ASB2: variants seen among roughly 807,000 people sequenced by gnomAD.
ASB2 encodes the protein ankyrin repeat and SOCS box containing 2, also known as ankyrin repeat and SOCS box protein 2.
A neutral mutation model predicts 62.4 loss-of-function variants in ASB2; 58 were observed. The observed-to-expected ratio is 0.93, with a 90% CI of 0.75 to 1.16. ASB2 has a LOEUF of 1.16. Ranked by LOEUF, ASB2 falls within the 50% of genes most tolerant of loss-of-function variation. The pLI, the probability that ASB2 is intolerant of heterozygous loss-of-function variation, is 0.00. For missense variants in ASB2, 928 were observed against 887.9 expected, an observed-to-expected ratio of 1.05 and a Z score of -0.57; for synonymous variants, 386 against 385.3, an observed-to-expected ratio of 1.00 and a Z score of -0.02.
chr14:93,936,518 C>G (rs970024552), intron 9 of ASB2, among the ~76,000 whole-genome samples: 1 of 152,208 alleles, frequency 6.6e-6, no homozygotes, highest in Non-Finnish European at 1.5e-5. Flanking sequence ...GTTTATCATG[C>G]GTCTAGAGTT....
At chr14:93,942,632 C>G (rs1888570137) in intron 7 of ASB2, among the ~76,000 whole-genome samples, 1 of 152,192 alleles carries the variant, frequency 6.6e-6, no homozygotes, top group Non-Finnish European at 1.5e-5. Context: ...TGAATCTAGC[C>G]CAACAGCAGG....
At chr14:93,948,239 C>T (rs531170083) in intron 6 of ASB2, 1 of 154,470 alleles carries the variant, frequency 6.5e-6, no homozygotes, top group East Asian at 1.9e-4. Flanking sequence ...CCACTTGCCT[C>T]AGACCACCCA....
At chr14:93,966,012 G>A (rs994142303) in intron 1 of ASB2, among the ~76,000 whole-genome samples, 2 of 152,226 alleles carry the variant, frequency 1.3e-5, no homozygotes, top group Non-Finnish European at 2.9e-5. Context: ...CCCCTCTTCT[G>A]GGAAGCCGAC....
intron 7 of ASB2, chr14:93,942,326 C>G (rs1405087524): frequency 4.4e-6 from 2 of 454,278 alleles, no homozygotes; most frequent in Non-Finnish European, 8.9e-6. Flanking sequence ...CTTGTCCCCT[C>G]CCCAATGCAG....
chr14:93,936,374 G>A (rs1256859019), intron 9 of ASB2, among the ~76,000 whole-genome samples: 2 of 152,218 alleles, frequency 1.3e-5, no homozygotes, highest in Non-Finnish European at 2.9e-5. Flanking sequence ...TAGTTGTGGG[G>A]GACCACCCTT....
At chr14:93,957,311 G>A in intron 2 of ASB2, 2 of 1,072,564 alleles carry the variant, frequency 1.9e-6, no homozygotes, top group Non-Finnish European at 2.3e-6. Flanking sequence ...GCAAAGCAGA[G>A]GATAGGGGAG....
intron 6 of ASB2, 130 bp downstream of exon 6, chr14:93,950,869 G>T: frequency 9.4e-7 from 1 of 1,068,726 alleles, no homozygotes; most frequent in Non-Finnish European, 1.4e-6. Context: ...AGCACTCTAG[G>T]AGGAAACTCT....
In ASB2 at chr14:93,953,459, ACGGCT is replaced by A; in HGVS notation, c.522_526del (p.Ala175LeufsTer74). Reference sequence around the variant, plus strand: ...GTGGCCCCTGCACGTTGCCAAGTAAACGGCTGTTTCCTCCTGCAGGGTGCGCTGGT... The same window carrying A: ...GTGGCCCCTGCACGTTGCCAAGTAAAGTTTCCTCCTGCAGGGTGCGCTGGT... On this transcript the variant is annotated frameshift_variant, in exon 5 of 10. Coordinates refer to ENST00000555019, the MANE Select transcript of ASB2 (RefSeq NM_001202429.2). LOFTEE classifies it high-confidence loss of function. 6.2e-7 allele frequency: 1 copy of A among 1,608,306 alleles called. No homozygotes were observed. Among genetic ancestry groups the A allele is most frequent in the Non-Finnish European group, 8.5e-7 (1 of 1,175,430 alleles).
At chr14:93,960,089 A>G in intron 2 of ASB2, among the ~76,000 whole-genome samples, 1 of 152,164 alleles carries the variant, frequency 6.6e-6, no homozygotes, top group East Asian at 1.9e-4. Flanking sequence ...TGCACCAAGC[A>G]TCTCATTTAA....
intron 2 of ASB2, among the ~76,000 whole-genome samples, chr14:93,962,668 G>A (rs1270551145): frequency 6.6e-6 from 1 of 152,150 alleles, no homozygotes; most frequent in African/African-American, 2.4e-5. Flanking sequence ...TCTGGATGCC[G>A]AGGGCCCACT....
chr14:93,958,556 G>A (rs1024610601), intron 2 of ASB2, among the ~76,000 whole-genome samples: 8 of 152,240 alleles, frequency 5.3e-5, no homozygotes, highest in African/African-American at 1.9e-4. Context: ...ATGGAGAAGT[G>A]GGACCAGGAC....
At chr14:93,939,710 T>A in intron 7 of ASB2, 38 bp from the exon 8 acceptor site, 1 of 1,326,680 alleles carries the variant, frequency 7.5e-7, no homozygotes, top group Non-Finnish European at 9.8e-7. Flanking sequence ...GAGGGGAGGG[T>A]CGGGGTGTGG....
At chr14:93,973,621 C>T (rs956169301) in intron 1 of ASB2, among the ~76,000 whole-genome samples, 3 of 152,206 alleles carry the variant, frequency 2.0e-5, no homozygotes, top group Non-Finnish European at 4.4e-5. Flanking sequence ...ATTGAGTCTC[C>T]AGGCCCATGG....
At chr14:93,938,719 T>A (rs1888374281) in intron 8 of ASB2, among the ~76,000 whole-genome samples, 1 of 152,122 alleles carries the variant, frequency 6.6e-6, no homozygotes. Flanking sequence ...TTTGGCAGAG[T>A]TCTCCGCTCC....
chr14:93,956,716 G>A lies in ASB2; in HGVS notation c.311+50C>T, dbSNP rs187114188. ...GCTTCCCACCCTCCCTGCCATCCCA[G>A]TTAGCGGAGTGAACTTGGATGGTCC... is the stretch of plus-strand genomic sequence containing the variant. On this transcript the variant is annotated intron_variant, in intron 3 of 9. Coordinates refer to ENST00000555019, the MANE Select transcript of ASB2 (RefSeq NM_001202429.2). The A allele has an allele frequency of 4.0e-4, 649 of 1,609,472 alleles. 1 individual carries two copies. The highest frequency in any genetic ancestry group is 4.8e-4 in the Non-Finnish European group (565 of 1,176,466).
At chr14:93,951,692 G>A (rs1426434570) in intron 5 of ASB2, among the ~76,000 whole-genome samples, 1 of 152,180 alleles carries the variant, frequency 6.6e-6, no homozygotes. Flanking sequence ...GGATGTCCCA[G>A]GATGTCCCTA....
chr14:93,947,661 G>A (rs1888784019), intron 6 of ASB2, 141 bp from the exon 7 acceptor site: 1 of 795,314 alleles, frequency 1.3e-6, no homozygotes, highest in Non-Finnish European at 2.0e-6. Flanking sequence ...GGAAGGAGGA[G>A]TCTACCTGGG....
At chr14:93,938,343 C>A (rs1011621939) in intron 8 of ASB2, among the ~76,000 whole-genome samples, 5 of 146,228 alleles carry the variant, frequency 3.4e-5, no homozygotes, top group Admixed American at 2.8e-4. Context: ...GGGTGCACGT[C>A]ATTCTCCTGC....
intron 2 of ASB2, among the ~76,000 whole-genome samples, chr14:93,957,929 C>A (rs1039946293): frequency 6.6e-6 from 1 of 152,176 alleles, no homozygotes; most frequent in African/African-American, 2.4e-5. Context: ...TTGGGGAGGA[C>A]TCTGCTACCA....
Sources: gnomAD v4.1 joint callset for allele counts (sites outside exome capture counted in the v4.1 genomes callset) on GRCh38, gnomAD v4.1.1 for gene constraint, MANE v1.5 for transcripts, NCBI Gene and HGNC (gene_info 2026-07-23, HGNC 2026-07-21) for gene names.